The following CERT1 variants were observed in gnomAD, a reference collection of about 807,000 sequenced individuals.
CERT1 encodes the protein ceramide transfer protein.
CERT1 carries 31 observed loss-of-function variants against 87.9 expected under a neutral mutation model. The ratio of observed to expected loss-of-function variants is 0.35; its 90% CI spans 0.27 to 0.48. The LOEUF (loss-of-function observed/expected upper bound fraction) is 0.48, where lower values mean the gene tolerates loss of function less well. Among genes scored for constraint, CERT1 ranks in the 20% least tolerant of loss-of-function variants. The pLI, the probability that CERT1 is intolerant of heterozygous loss-of-function variation, is 0.99. For missense variants in CERT1, 487 were observed against 758.0 expected, an observed-to-expected ratio of 0.64 and a Z score of 4.20; for synonymous variants, 289 against 250.9, an observed-to-expected ratio of 1.15 and a Z score of -1.44.
At chr5:75,433,736 A>G (rs771863693) in intron 3 of CERT1, among the ~76,000 whole-genome samples, 1 of 152,110 alleles carries the variant, frequency 6.6e-6, no homozygotes, top group East Asian at 1.9e-4. Context: ...TGCCCAGTCT[A>G]GTCTCCAACT....
chr5:75,481,752 T>C (rs913107633), intron 2 of CERT1, among the ~76,000 whole-genome samples: 1 of 152,202 alleles, frequency 6.6e-6, no homozygotes, highest in Non-Finnish European at 1.5e-5. Context: ...AGTTTAACTC[T>C]TCAATTCTGA....
intron 12 of CERT1, among the ~76,000 whole-genome samples, chr5:75,387,102 C>A (rs1011200912): frequency 2.6e-5 from 4 of 152,036 alleles, no homozygotes; most frequent in Non-Finnish European, 4.4e-5. Context: ...CTTCTGACCT[C>A]AGATGATCTG....
At chr5:75,440,153 C>T (rs1480410258) in intron 3 of CERT1, among the ~76,000 whole-genome samples, 1 of 151,864 alleles carries the variant, frequency 6.6e-6, no homozygotes, top group South Asian at 2.1e-4. Context: ...TAAGACAGTC[C>T]CTTGCTGAAC....
At position 75,425,454 on chromosome 5, in the gene CERT1, T is replaced by C; in HGVS notation, c.502A>G (p.Arg168Gly). ...REKLAEMETF[R>G]DILCRQVDTL... ...TCAACTTGTCTACATAAGATGTCTCTAAATGTTTCCATTTCAGCCAACTTC... is the reference window on the plus strand; with the variant it reads ...TCAACTTGTCTACATAAGATGTCTCCAAATGTTTCCATTTCAGCCAACTTC... The change falls in exon 5 of 17, where the codon AGA becomes GGA. Residue 168 changes from arginine (R) to glycine (G), a missense_variant. Coordinates refer to ENST00000643780, the MANE Select transcript of CERT1 (RefSeq NM_001379029.1). 6.2e-7 allele frequency: 1 copy of C among 1,614,056 alleles called. No homozygotes were observed. The highest frequency in any genetic ancestry group is 8.5e-7 in the Non-Finnish European group (1 of 1,179,906).
At chr5:75,458,723 TG>T (rs1765106050) in intron 3 of CERT1, among the ~76,000 whole-genome samples, 1 of 152,100 alleles carries the variant, frequency 6.6e-6, no homozygotes, top group African/African-American at 2.4e-5. Flanking sequence ...GGCTAATTTT[TG>T]TATTTTTAGT....
chr5:75,504,526 CA>C (rs1219252348), intron 2 of CERT1, among the ~76,000 whole-genome samples: 21 of 152,106 alleles, frequency 1.4e-4, no homozygotes, highest in Admixed American at 1.3e-3. Context: ...TCCCTAAATG[CA>C]TAACAAACAT....
intron 2 of CERT1, among the ~76,000 whole-genome samples, chr5:75,493,934 A>C (rs775447571): frequency 3.9e-5 from 6 of 152,076 alleles, no homozygotes; most frequent in Non-Finnish European, 5.9e-5. Context: ...CACTGCTACC[A>C]TATTTATAAT....
chr5:75,428,571 G>A (rs549279281), intron 3 of CERT1, among the ~76,000 whole-genome samples: 9 of 152,086 alleles, frequency 5.9e-5, no homozygotes, highest in African/African-American at 1.4e-4. Flanking sequence ...CCAGCTACTC[G>A]GGAGGCTGAG....
chr5:75,496,782 G>C (rs767845987), intron 2 of CERT1, among the ~76,000 whole-genome samples: 1 of 152,120 alleles, frequency 6.6e-6, no homozygotes, highest in Non-Finnish European at 1.5e-5. Flanking sequence ...CAGAGGTTGG[G>C]GACACAGAGG....
intron 2 of CERT1, among the ~76,000 whole-genome samples, chr5:75,466,278 C>G (rs1357285755): frequency 6.6e-6 from 1 of 152,178 alleles, no homozygotes; most frequent in Non-Finnish European, 1.5e-5. Flanking sequence ...ATCTGCCCAG[C>G]AAAAGTCCTT....
In CERT1 at chr5:75,440,058, T is replaced by C. The variant is rs538220356; in HGVS notation, c.349-13580A>G. On this transcript the variant is annotated intron_variant, in intron 3 of 16. Transcript: ENST00000643780. Reference sequence around the variant, plus strand: ...GCTTCATTTTATCTGTAAAACGATATGGTTAGTCCAGAAGTGTAATTCTCT... The same window carrying C: ...GCTTCATTTTATCTGTAAAACGATACGGTTAGTCCAGAAGTGTAATTCTCT... Among the ~76,000 whole-genome samples, 5 of 152,168 alleles carry C rather than the reference T, an allele frequency of 3.3e-5. No individual in the cohort carries two copies. In the South Asian group the frequency reaches 8.3e-4, roughly 25 times the overall value.
downstream of CERT1, chr5:75,374,198 GAAAAAAA>G: frequency 1.3e-5 from 4 of 303,450 alleles, no homozygotes; most frequent in Non-Finnish European, 1.7e-5. Context: ...GTCACTGAAG[GAAAAAAA>G]AAAAAAAAAA....
At chr5:75,394,141 G>C (rs187059974) in intron 11 of CERT1, among the ~76,000 whole-genome samples, 1 of 152,196 alleles carries the variant, frequency 6.6e-6, no homozygotes, top group Non-Finnish European at 1.5e-5. Flanking sequence ...ATAATATTCA[G>C]TGCTACTATA....
chr5:75,388,739 C>T (rs371566564), intron 12 of CERT1, among the ~76,000 whole-genome samples: 10 of 151,018 alleles, frequency 6.6e-5, no homozygotes, highest in African/African-American at 2.2e-4. Flanking sequence ...AATCTTTTGC[C>T]TCAGCCTCCT....
chr5:75,483,966 C>G (rs188755576), intron 2 of CERT1, among the ~76,000 whole-genome samples: 7 of 152,092 alleles, frequency 4.6e-5, no homozygotes, highest in Non-Finnish European at 7.4e-5. Flanking sequence ...GTAAACTACT[C>G]ATATCTTGAG....
At chr5:75,435,410 A>C (rs968384384) in intron 3 of CERT1, among the ~76,000 whole-genome samples, 2 of 152,128 alleles carry the variant, frequency 1.3e-5, no homozygotes, top group African/African-American at 4.8e-5. Flanking sequence ...CCAGATTCTG[A>C]ATTCTGTAGC....
chr5:75,479,152 T>C (rs1462882705), intron 2 of CERT1, among the ~76,000 whole-genome samples: 1 of 152,018 alleles, frequency 6.6e-6, no homozygotes, highest in Non-Finnish European at 1.5e-5. Context: ...ATATGCTAGC[T>C]GATAAACTCT....
intron 6 of CERT1, among the ~76,000 whole-genome samples, 190 bp from the exon 7 acceptor site, chr5:75,417,223 T>C (rs1394861842): frequency 6.6e-6 from 1 of 152,178 alleles, no homozygotes; most frequent in African/African-American, 2.4e-5. Flanking sequence ...TGGCAGCATA[T>C]GTACTTTCAA....
chr5:75,394,824 T>C (rs1024000154), intron 11 of CERT1, among the ~76,000 whole-genome samples: 6 of 152,142 alleles, frequency 3.9e-5, no homozygotes, highest in Admixed American at 1.3e-4. Context: ...TCTAAGGAAA[T>C]AATTAGATAA....
Sources: allele counts gnomAD v4.1 joint callset (sites outside exome capture counted in the v4.1 genomes callset), GRCh38; gene constraint gnomAD v4.1.1; transcripts MANE v1.5; gene names NCBI Gene and HGNC (gene_info 2026-07-23, HGNC 2026-07-21).